Variants in SLC5A10 observed in about 807,000 individuals in gnomAD.
SLC5A10 encodes solute carrier family 5 member 10.
SLC5A10 carries 55 observed loss-of-function variants against 68.9 expected under a neutral mutation model. The observed-to-expected ratio is 0.80, with a 90% confidence interval of 0.64 to 1.00. SLC5A10 has a LOEUF of 1.00. SLC5A10 is among the 50% of genes least tolerant of loss of function. The pLI is 0.00. For synonymous variants in SLC5A10, 344 were observed against 344.8 expected (o/e 1.00, Z 0.02); for missense variants, 732 against 819.3 (o/e 0.89, Z 1.30).
At chr17:18,981,323 G>T (rs1356037774) in intron 9 of SLC5A10, among the ~76,000 whole-genome samples, 1 of 152,144 alleles carries the variant, frequency 6.6e-6, no homozygotes, top group Non-Finnish European at 1.5e-5. Flanking sequence ...CTCAGGGGAG[G>T]AGGGGTGGGT....
At chr17:18,991,192 C>A (rs1453632693) in intron 9 of SLC5A10, among the ~76,000 whole-genome samples, 1 of 152,224 alleles carries the variant, frequency 6.6e-6, no homozygotes, top group Non-Finnish European at 1.5e-5. Flanking sequence ...TCAGCAAGAG[C>A]AGAGCCCTTG....
chr17:18,988,986 G>T (rs773520847), intron 9 of SLC5A10, among the ~76,000 whole-genome samples: 1 of 152,222 alleles, frequency 6.6e-6, no homozygotes, highest in Admixed American at 6.5e-5. Flanking sequence ...CATGCAGAAG[G>T]ACAGGATGAG....
intron 9 of SLC5A10, chr17:18,979,578 A>G (rs2043076838): frequency 1.9e-6 from 3 of 1,613,410 alleles, no homozygotes; most frequent in Non-Finnish European, 2.5e-6. Flanking sequence ...CCCGGTCTCC[A>G]TCCACAAACA....
intron 5 of SLC5A10, among the ~76,000 whole-genome samples, chr17:18,962,958 C>T (rs1424597739): frequency 6.6e-6 from 1 of 152,166 alleles, no homozygotes; most frequent in African/African-American, 2.4e-5. Flanking sequence ...TGGCTCACGC[C>T]TATAATCCTA....
Position 18,968,650 on chromosome 17 carries a change from G to A in SLC5A10, c.454-402G>A, listed in dbSNP as rs369071524. On this transcript the variant is annotated intron_variant, in intron 5 of 14. Transcript: ENST00000395645. The surrounding 1 kb of genome is among the most constrained non-coding windows in gnomAD (Gnocchi z 4.1). ...CACTTTTCCTGAGGCCTACTGGTCC[G>A]CCCAGCACACACTTTTCCTGAGGCC... The A allele has an allele frequency of 4.2e-5, 7 of 166,760 alleles. No individual in the cohort carries two copies. In the South Asian group the frequency reaches 5.9e-4, roughly 14 times the overall value. The allele number at this position is 166,760 out of a possible 1,614,324, so 10.3% of individuals were successfully genotyped here. A position where few individuals can be genotyped will look rare whatever the true frequency, so the allele number is the denominator to read the frequency against.
rs758643971 is a variant in SLC5A10 at position 18,952,217 on chromosome 17, CT to C, written c.13del (p.Ser5ProfsTer12). 6.2e-7 allele frequency: 1 copy of C among 1,613,118 alleles called. No homozygotes were observed. The highest frequency in any genetic ancestry group is 1.1e-5 in the South Asian group (1 of 90,904). On this transcript the variant is annotated frameshift_variant, in exon 1 of 15. Coordinates refer to ENST00000395645, the MANE Select transcript of SLC5A10 (RefSeq NM_001042450.4). LOFTEE classifies it high-confidence loss of function. MAAN[S>X]TSDLHTPGTQ... Reference sequence around the variant, plus strand: ...GCGGCAGGACAGCCATGGCCGCCAACTCCACCAGCGACCTCCACACTCCCGG... The same window carrying C: ...GCGGCAGGACAGCCATGGCCGCCAACCCACCAGCGACCTCCACACTCCCGG...
At chr17:18,973,888 T>TG (rs2042915835) in intron 8 of SLC5A10, among the ~76,000 whole-genome samples, 1 of 116,894 alleles carries the variant, frequency 8.6e-6, no homozygotes, top group Admixed American at 8.1e-5. Flanking sequence ...TTTTAAGTTT[T>TG]TTTTTTTTTT....
At position 18,996,188 on chromosome 17, in the gene SLC5A10, A is replaced by G. The variant is rs554885242; in HGVS notation, c.983-17222A>G. On this transcript the variant is annotated intron_variant, in intron 9 of 14. Transcript: ENST00000395645. This position sits in a 1 kb window ranked among gnomAD's most constrained non-coding sequence, Gnocchi z 4.4. Reference sequence around the variant, plus strand: ...TTATACCCAGTAAAAATACATTTCAAAACAAAAGGCAAACTAAAGACTTTT... The same window carrying G: ...TTATACCCAGTAAAAATACATTTCAGAACAAAAGGCAAACTAAAGACTTTT... Among the ~76,000 whole-genome samples the G allele has an allele frequency of 1.3e-5, 2 of 152,232 alleles. No homozygotes were observed. The highest frequency in any genetic ancestry group is 6.5e-5 in the Admixed American group (1 of 15,298).
At position 19,003,279 on chromosome 17, in the gene SLC5A10, C is replaced by G. The variant is rs933713975; in HGVS notation, c.983-10131C>G. ...GAAACACCCTCCAACAATAAAGAGG[C>G]CCTTTGAGACGGGGCAGCCCACTGT... is the stretch of plus-strand genomic sequence containing the variant. On this transcript the variant is annotated intron_variant, in intron 9 of 14. Coordinates refer to ENST00000395645, the MANE Select transcript of SLC5A10 (RefSeq NM_001042450.4). This position sits in a 1 kb window ranked among gnomAD's most constrained non-coding sequence, Gnocchi z 4.5. 1.3e-5 allele frequency among the ~76,000 whole-genome samples: 2 copies of G among 151,766 alleles called. No homozygotes were observed. The highest frequency in any genetic ancestry group is 2.9e-5 in the Non-Finnish European group (2 of 67,896).
chr17:18,988,649 C>A, intron 9 of SLC5A10, among the ~76,000 whole-genome samples: 1 of 152,260 alleles, frequency 6.6e-6, no homozygotes, highest in Non-Finnish European at 1.5e-5. Flanking sequence ...TGTGTTGGTG[C>A]ATTCCCAGGC....
Position 18,971,874 on chromosome 17 carries a change from G to T in SLC5A10, c.846+656G>T. ...CGCCTCCTGGCTCTGCCATTCACCA[G>T]GGAGTGGGCCTAGACCAGTTGGTTT... is the stretch of plus-strand genomic sequence containing the variant. On this transcript the variant is annotated intron_variant, in intron 8 of 14. Coordinates refer to ENST00000395645, the MANE Select transcript of SLC5A10 (RefSeq NM_001042450.4). This position sits in a 1 kb window ranked among gnomAD's most constrained non-coding sequence, Gnocchi z 5.5. 9.8e-7 allele frequency: 1 copy of T among 1,017,644 alleles called. No individual in the cohort carries two copies. The highest frequency in any genetic ancestry group is 1.7e-5 in the South Asian group (1 of 58,802). 63.0% of individuals were successfully genotyped at this position (1,017,644 alleles called of 1,614,324 possible).
At chr17:18,974,945 G>A (rs993655199) in intron 8 of SLC5A10, among the ~76,000 whole-genome samples, 1 of 152,150 alleles carries the variant, frequency 6.6e-6, no homozygotes, top group Non-Finnish European at 1.5e-5. Context: ...GTCAGGGGTG[G>A]GGAAAGCCCC....
At position 18,963,731 on chromosome 17, in the gene SLC5A10, C is replaced by T. The variant is rs140993894; in HGVS notation, c.453+3079C>T. Among the ~76,000 whole-genome samples the T allele has an allele frequency of 6.8e-3, 1,036 of 152,336 alleles. 12 individuals carry two copies. The highest frequency in any genetic ancestry group is 0.024 in the African/African-American group (977 of 41,574). On this transcript the variant is annotated intron_variant, in intron 5 of 14. Coordinates refer to ENST00000395645, the MANE Select transcript of SLC5A10 (RefSeq NM_001042450.4). The stretch of plus-strand genomic sequence containing the variant: ...GCCATCCCTCAGGCAGGGGCACTGG[C>T]CCACAGGAGGACCGGCGATGGCAGG...
chr17:18,994,209 A>G (rs1282946981), intron 9 of SLC5A10, among the ~76,000 whole-genome samples: 1 of 152,160 alleles, frequency 6.6e-6, no homozygotes, highest in Non-Finnish European at 1.5e-5. Context: ...AGCAATAAAA[A>G]ACCCGGATAA....
At chr17:18,967,772 G>A (rs2042741109) in intron 5 of SLC5A10, among the ~76,000 whole-genome samples, 1 of 152,126 alleles carries the variant, frequency 6.6e-6, no homozygotes, top group Admixed American at 6.5e-5. Flanking sequence ...TGGGGCCTCA[G>A]TTTATCCTCT....
chr17:19,004,762 G>A lies in SLC5A10; in HGVS notation c.983-8648G>A, dbSNP rs1597898402. On this transcript the variant is annotated intron_variant, in intron 9 of 14. Coordinates refer to ENST00000395645, the MANE Select transcript of SLC5A10 (RefSeq NM_001042450.4). The surrounding 1 kb of genome is among the most constrained non-coding windows in gnomAD (Gnocchi z 5.4). ...CACGCGGCGGCTGCGGCGGCGGCGC[G>A]AGGCTGGGCGGGGGCGCGCCGGTGA... is the stretch of plus-strand genomic sequence containing the variant. The A allele has an allele frequency of 1.3e-5, 2 of 150,154 alleles. No individual in the cohort carries two copies. The allele number at this position is 150,154 out of a possible 1,614,324, so 9.3% of individuals were successfully genotyped here.
At chr17:18,970,675 A>G (rs372731745) in intron 7 of SLC5A10, 50 of 332,592 alleles carry the variant, frequency 1.5e-4, no homozygotes, top group African/African-American at 9.6e-4. Context: ...TGAATCGACA[A>G]TCGGAAACCT....
intron 11 of SLC5A10, among the ~76,000 whole-genome samples, chr17:19,016,480 A>G (rs1194440108): frequency 1.3e-5 from 2 of 152,036 alleles, no homozygotes; most frequent in African/African-American, 4.8e-5. Context: ...TCGGGGGTCC[A>G]GCCTTCTGGC....
In SLC5A10 at chr17:18,969,364, C is replaced by A. The variant is rs1005486320; in HGVS notation, c.582C>A (p.Tyr194Ter). ...TIAGGLAAVI[Y>*]TDALQTLIMV... is the part of the protein sequence containing the mutation. Reference sequence around the variant, plus strand: ...CAGGGGGCCTGGCTGCTGTAATCTACACGGACGCCCTGCAGACGCTCATCA... The same window carrying A: ...CAGGGGGCCTGGCTGCTGTAATCTAAACGGACGCCCTGCAGACGCTCATCA... Residue 194 changes from tyrosine to a stop codon, truncating the protein, a stop_gained, in exon 7 of 15, where the codon TAC becomes TAA. Transcript: ENST00000395645. LOFTEE classifies it high-confidence loss of function. The A allele has an allele frequency of 1.2e-6, 2 of 1,613,656 alleles. No individual in the cohort carries two copies. Among genetic ancestry groups the A allele is most frequent in the African/African-American group, 2.7e-5 (2 of 75,064 alleles).
Sources: allele counts gnomAD v4.1 joint callset (sites outside exome capture counted in the v4.1 genomes callset), GRCh38; gene constraint gnomAD v4.1.1; non-coding constraint Gnocchi (gnomAD v3.1); transcripts MANE v1.5; gene names NCBI Gene and HGNC (gene_info 2026-07-23, HGNC 2026-07-21).